The following SKAP2 variants were observed in gnomAD, a reference collection of about 807,000 sequenced individuals.
SKAP2 encodes src kinase-associated phosphoprotein 2.
SKAP2 carries 28 observed loss-of-function variants against 54.9 expected under a neutral mutation model. That is an observed-to-expected ratio of 0.51 (90% confidence interval 0.38 to 0.70). SKAP2 has a LOEUF of 0.70. Among genes scored for constraint, SKAP2 ranks in the 30% least tolerant of loss-of-function variants. The probability of loss-of-function intolerance (pLI) is 0.00; values close to 1 mark genes in which losing one functional copy is unlikely to be tolerated. For missense variants in SKAP2, 356 were observed against 424.1 expected (o/e 0.84, Z 1.41); for synonymous variants, 137 against 134.3 (o/e 1.02, Z -0.14).
At chr7:26,826,797 T>C (rs548911558) in intron 4 of SKAP2, among the ~76,000 whole-genome samples, 4 of 152,328 alleles carry the variant, frequency 2.6e-5, no homozygotes, top group South Asian at 2.1e-4. Flanking sequence ...TTATTAATCA[T>C]TTTATTCTCC....
intron 1 of SKAP2, among the ~76,000 whole-genome samples, chr7:26,860,679 G>A (rs1366879480): frequency 6.6e-6 from 1 of 151,650 alleles, no homozygotes; most frequent in Non-Finnish European, 1.5e-5. Flanking sequence ...AATTATAAAT[G>A]GAACTTTGGA....
At chr7:26,682,364 G>A (rs570822805) in intron 11 of SKAP2, among the ~76,000 whole-genome samples, 62 of 152,168 alleles carry the variant, frequency 4.1e-4, no homozygotes, top group South Asian at 2.5e-3. Context: ...CTGTCTACTC[G>A]CAGCCAAGAC....
intron 4 of SKAP2, among the ~76,000 whole-genome samples, chr7:26,804,075 C>T (rs1411631488): frequency 6.6e-6 from 1 of 152,046 alleles, no homozygotes; most frequent in African/African-American, 2.4e-5. Context: ...TTATAGTCAA[C>T]AGTAACTTAA....
At chr7:26,689,624 C>T (rs1395648047) in intron 10 of SKAP2, among the ~76,000 whole-genome samples, 1 of 152,168 alleles carries the variant, frequency 6.6e-6, no homozygotes, top group African/African-American at 2.4e-5. Flanking sequence ...TGTCACTGGA[C>T]TCTGGCATTT....
chr7:26,736,257 A>G (rs1361809054), intron 6 of SKAP2, among the ~76,000 whole-genome samples: 2 of 152,196 alleles, frequency 1.3e-5, no homozygotes, highest in African/African-American at 2.4e-5. Context: ...AGGATGCAGG[A>G]AAGCAACTGG....
chr7:26,759,625 G>A (rs1782879966), intron 4 of SKAP2, among the ~76,000 whole-genome samples: 1 of 152,060 alleles, frequency 6.6e-6, no homozygotes, highest in Non-Finnish European at 1.5e-5. Context: ...TTAACATTCA[G>A]AAACCCAAAG....
At chr7:26,772,416 G>A (rs1783207490) in intron 4 of SKAP2, among the ~76,000 whole-genome samples, 1 of 152,086 alleles carries the variant, frequency 6.6e-6, no homozygotes, top group South Asian at 2.1e-4. Flanking sequence ...ACTGTCTCCT[G>A]TTCTCATCTC....
intron 3 of SKAP2, among the ~76,000 whole-genome samples, chr7:26,848,949 C>A (rs758276453): frequency 1.8e-4 from 27 of 152,206 alleles, no homozygotes; most frequent in Middle Eastern, 3.4e-3. Context: ...TCAAGCACTG[C>A]CTGTGAAATA....
At chr7:26,735,556 T>C (rs1787911223) in intron 6 of SKAP2, among the ~76,000 whole-genome samples, 1 of 152,154 alleles carries the variant, frequency 6.6e-6, no homozygotes, top group African/African-American at 2.4e-5. Context: ...TGGTAGAAAA[T>C]GTGAACTATG....
At chr7:26,751,374 G>A (rs2127966553) in intron 4 of SKAP2, among the ~76,000 whole-genome samples, 1 of 152,114 alleles carries the variant, frequency 6.6e-6, no homozygotes, top group South Asian at 2.1e-4. Flanking sequence ...CTGAATTAAG[G>A]CTCTCACTCT....
chr7:26,681,358 C>A (rs759009584), intron 11 of SKAP2, among the ~76,000 whole-genome samples: 2 of 152,252 alleles, frequency 1.3e-5, no homozygotes, highest in Non-Finnish European at 1.5e-5. Context: ...GCAGGAGAAT[C>A]GCTTAAACCT....
At chr7:26,769,999 G>A (rs111828090) in intron 4 of SKAP2, among the ~76,000 whole-genome samples, 44,589 of 152,074 alleles carry the variant, frequency 0.29, 6,834 homozygotes, top group Non-Finnish European at 0.33. Flanking sequence ...GATCTGCTGC[G>A]CTCTTCAGAG....
intron 1 of SKAP2, among the ~76,000 whole-genome samples, chr7:26,856,628 A>C (rs1466331727): frequency 1.3e-5 from 2 of 152,204 alleles, no homozygotes; most frequent in African/African-American, 4.8e-5. Context: ...ATATTAGCTG[A>C]AATGGAAAAG....
intron 9 of SKAP2, among the ~76,000 whole-genome samples, chr7:26,697,156 G>A (rs918368857): frequency 2.0e-5 from 3 of 152,068 alleles, no homozygotes; most frequent in Non-Finnish European, 4.4e-5. Flanking sequence ...TGAATGACTG[G>A]ACCGAGGGCA....
chr7:26,683,388 T>C (rs889094175), intron 11 of SKAP2, among the ~76,000 whole-genome samples: 1 of 152,140 alleles, frequency 6.6e-6, no homozygotes, highest in African/African-American at 2.4e-5. Flanking sequence ...CAAAAACCCA[T>C]GCTAATGAGC....
chr7:26,807,871 A>C (rs1784061796), intron 4 of SKAP2, among the ~76,000 whole-genome samples: 1 of 69,488 alleles, frequency 1.4e-5, no homozygotes, highest in Admixed American at 1.8e-4. Context: ...GATGATTGTT[A>C]GCACTTTTTT....
intron 4 of SKAP2, among the ~76,000 whole-genome samples, chr7:26,779,800 C>G (rs1353400377): frequency 5.9e-5 from 9 of 151,992 alleles, no homozygotes; most frequent in African/African-American, 2.2e-4. Flanking sequence ...TTTTAAAAAA[C>G]AAGTAATTTG....
chr7:26,708,267 G>A (rs925393543), intron 9 of SKAP2, among the ~76,000 whole-genome samples: 6 of 152,152 alleles, frequency 3.9e-5, no homozygotes, highest in African/African-American at 9.7e-5. Flanking sequence ...TTGATCCCAC[G>A]TGAATGTTTG....
At chr7:26,677,628 T>C (rs1243107277) in intron 11 of SKAP2, among the ~76,000 whole-genome samples, 2 of 152,196 alleles carry the variant, frequency 1.3e-5, no homozygotes, top group East Asian at 3.9e-4. Context: ...ATTACTTACT[T>C]ACTCCAGTAT....
Sources: gnomAD v4.1 joint callset for allele counts (sites outside exome capture counted in the v4.1 genomes callset) on GRCh38, gnomAD v4.1.1 for gene constraint, MANE v1.5 for transcripts, NCBI Gene and HGNC (gene_info 2026-07-23, HGNC 2026-07-21) for gene names.